The following TRIM56 variants were observed in gnomAD, a reference collection of about 807,000 sequenced individuals.
TRIM56 encodes tripartite motif containing 56, also known as E3 ubiquitin-protein ligase TRIM56.
TRIM56 carries 10 observed loss-of-function variants against 17.1 expected under a neutral mutation model. That is an observed-to-expected ratio of 0.58 (90% confidence interval 0.36 to 0.99). The LOEUF is 0.99. Ranked by LOEUF, TRIM56 falls within the 50% of genes least tolerant of loss-of-function variation. TRIM56 has a pLI of 0.01. For synonymous variants in TRIM56, 503 were observed against 473.5 expected, an observed-to-expected ratio of 1.06 and a Z score of -0.81; for missense variants, 923 against 1,052.3, an observed-to-expected ratio of 0.88 and a Z score of 1.70.
Position 101,095,659 on chromosome 7 carries a change from T to A in TRIM56, c.*6079T>A, listed in dbSNP as rs1404660347. The A allele has an allele frequency of 1.3e-5, 2 of 152,140 alleles. No homozygotes were observed. The highest frequency in any genetic ancestry group is 3.9e-4 in the East Asian group (2 of 5,188). 9.4% of individuals were successfully genotyped at this position (152,140 alleles called of 1,614,324 possible). On this transcript the variant is annotated 3_prime_UTR_variant, in exon 3 of 3. Coordinates refer to ENST00000306085, the MANE Select transcript of TRIM56 (RefSeq NM_030961.3). ...GCGCCCTAGAGATGGGGATGCCAAG[T>A]GGCTTCTCGGGAAGCTGTAAGAATC...
chr7:101,085,510 AC>A lies in TRIM56; in HGVS notation c.-225del, dbSNP rs1795427265. 6.6e-6 allele frequency: 1 copy of A among 152,396 alleles called. No individual in the cohort carries two copies. Among genetic ancestry groups the A allele is most frequent in the South Asian group, 2.1e-4 (1 of 4,812 alleles). 9.4% of individuals were successfully genotyped at this position (152,396 alleles called of 1,614,324 possible). A position where few individuals can be genotyped will look rare whatever the true frequency, so the allele number is the denominator to read the frequency against. ...TTGTTTCTTTTCCAGGCACCCAGCA[AC>A]GGCGGCCTCCAGGCCTCAGGCCCCC... On this transcript the variant is annotated 5_prime_UTR_variant, in exon 1 of 3. Transcript: ENST00000306085.
In TRIM56 at chr7:101,093,830, A is replaced by C. The variant is rs937222736; in HGVS notation, c.*4250A>C. The stretch of plus-strand genomic sequence containing the variant: ...GGGTGTCACAGTGAGACTCTGTCTC[A>C]AAAAAATAATAAATAAATAATTAAA... On this transcript the variant is annotated 3_prime_UTR_variant, in exon 3 of 3. Transcript: ENST00000306085. 1 of 152,158 alleles carries C rather than the reference A, an allele frequency of 6.6e-6. No homozygotes were observed. Among genetic ancestry groups the C allele is most frequent in the Non-Finnish European group, 1.5e-5 (1 of 68,026 alleles). The allele number at this position is 152,158 out of a possible 1,614,324, so 9.4% of individuals were successfully genotyped here. A position where few individuals can be genotyped will look rare whatever the true frequency, so the allele number is the denominator to read the frequency against.
rs148618456 is a variant in TRIM56 at position 101,091,841 on chromosome 7, G to A, written c.*2261G>A. 1,072 of 395,428 alleles carry A rather than the reference G, an allele frequency of 2.7e-3. 22 individuals carry two copies. The East Asian group carries it at 0.029, about 11-fold the overall frequency. The allele number at this position is 395,428 out of a possible 1,614,324, so 24.5% of individuals were successfully genotyped here. A position where few individuals can be genotyped will look rare whatever the true frequency, so the allele number is the denominator to read the frequency against. ...CACGGTCTCCCTCTGATGCCGAGCC[G>A]AAGCTGGACTGTACTGCTGCCATCT... On this transcript the variant is annotated 3_prime_UTR_variant, in exon 3 of 3. Coordinates refer to ENST00000306085, the MANE Select transcript of TRIM56 (RefSeq NM_030961.3).
chr7:101,094,907 C>T lies in TRIM56; in HGVS notation c.*5327C>T, dbSNP rs1197224089. 1 of 151,910 alleles carries T rather than the reference C, an allele frequency of 6.6e-6. No homozygotes were observed. The highest frequency in any genetic ancestry group is 2.4e-5 in the African/African-American group (1 of 41,338). The allele number at this position is 151,910 out of a possible 1,614,324, so 9.4% of individuals were successfully genotyped here. ...ACTGTGATACCTCATAGTAGGTGCT[C>T]AGTGAATGTCTGTGAAGTGAATTAC... is the stretch of plus-strand genomic sequence containing the variant. On this transcript the variant is annotated 3_prime_UTR_variant, in exon 3 of 3. Transcript: ENST00000306085.
rs373704199 is a variant in TRIM56 at position 101,089,418 on chromosome 7, G to T, written c.2106G>T (p.Val702=). 1.9e-6 allele frequency: 3 copies of T among 1,614,092 alleles called. No homozygotes were observed. Among genetic ancestry groups the T allele is most frequent in the Non-Finnish European group, 2.5e-6 (3 of 1,180,018 alleles). ...IFLTLREVNK[V]VILDPKGSLL... ...TGACCCTTCGAGAAGTCAACAAGGT[G>T]GTGATCCTGGACCCGAAGGGGTCCC... is the stretch of plus-strand genomic sequence containing the variant. The change falls in exon 3 of 3, where the codon GTG becomes GTT. Residue 702 remains valine, a synonymous_variant. Transcript: ENST00000306085.
rs1204459170 is a variant in TRIM56 at position 101,088,494 on chromosome 7, C to A, written c.1182C>A (p.Ser394Arg). The change falls in exon 3 of 3, where the codon AGC becomes AGA. Residue 394 changes from serine to arginine, a missense_variant. This residue lies in a region of TRIM56 where 643 missense variants were observed against 665.6 expected (regional missense o/e 0.97). Coordinates refer to ENST00000306085, the MANE Select transcript of TRIM56 (RefSeq NM_030961.3). ...AGTQGGEESQ[S>R]RREDEPKTER... ...CCCAGGGAGGTGAGGAGAGCCAGAG[C>A]CGGAGGGAGGATGAGCCGAAGACTG... 3 of 1,613,676 alleles carry A rather than the reference C, an allele frequency of 1.9e-6. No homozygotes were observed. The highest frequency in any genetic ancestry group is 2.5e-6 in the Non-Finnish European group (3 of 1,179,892).
Position 101,090,933 on chromosome 7 carries a change from G to A in TRIM56, c.*1353G>A, listed in dbSNP as rs1426590243. On this transcript the variant is annotated 3_prime_UTR_variant, in exon 3 of 3. Transcript: ENST00000306085. ...GTTGGCCTTCACTCGGCTGAACTAG[G>A]GGGTGAAGGAAGGTTGTCCTCTGTG... The A allele has an allele frequency of 5.3e-5, 8 of 152,196 alleles. No homozygotes were observed. Among genetic ancestry groups the A allele is most frequent in the Admixed American group, 4.6e-4 (7 of 15,270 alleles). 9.4% of individuals were successfully genotyped at this position (152,196 alleles called of 1,614,324 possible). A position where few individuals can be genotyped will look rare whatever the true frequency, so the allele number is the denominator to read the frequency against.
In TRIM56 at chr7:101,095,672, A is replaced by C. The variant is rs1795644031; in HGVS notation, c.*6092A>C. The C allele has an allele frequency of 6.6e-6, 1 of 152,224 alleles. No individual in the cohort carries two copies. The highest frequency in any genetic ancestry group is 1.5e-5 in the Non-Finnish European group (1 of 68,054). The allele number at this position is 152,224 out of a possible 1,614,324, so 9.4% of individuals were successfully genotyped here. ...GGGGATGCCAAGTGGCTTCTCGGGA[A>C]GCTGTAAGAATCCACAGGGCATTGT... On this transcript the variant is annotated 3_prime_UTR_variant, in exon 3 of 3. Coordinates refer to ENST00000306085, the MANE Select transcript of TRIM56 (RefSeq NM_030961.3).
At position 101,087,618 on chromosome 7, in the gene TRIM56, C is replaced by A; in HGVS notation, c.306C>A (p.Ala102=). Residue 102 remains alanine (A), a synonymous_variant, in exon 3 of 3, where the codon GCC becomes GCA. Coordinates refer to ENST00000306085, the MANE Select transcript of TRIM56 (RefSeq NM_030961.3). ...TGCGTGCCGGGAAGCCAGCCTGTGC[C>A]CTGTGTCCCCTGGTGGGTGGCACCA... ...GDLRAGKPAC[A]LCPLVGGTST... The A allele has an allele frequency of 1.2e-6, 2 of 1,611,990 alleles. No individual in the cohort carries two copies. The highest frequency in any genetic ancestry group is 1.7e-6 in the Non-Finnish European group (2 of 1,179,360).
rs1184407723 is a variant in TRIM56 at position 101,090,896 on chromosome 7, C to T, written c.*1316C>T. On this transcript the variant is annotated 3_prime_UTR_variant, in exon 3 of 3. Transcript: ENST00000306085. Reference sequence around the variant, plus strand: ...TTCTCTTCATTTTCCAGCAAAATTCCTTTTGAGATATGTTGGCCTTCACTC... The same window carrying T: ...TTCTCTTCATTTTCCAGCAAAATTCTTTTTGAGATATGTTGGCCTTCACTC... The T allele has an allele frequency of 6.6e-6, 1 of 152,028 alleles. No homozygotes were observed. Among genetic ancestry groups the T allele is most frequent in the Non-Finnish European group, 1.5e-5 (1 of 68,040 alleles). 9.4% of individuals were successfully genotyped at this position (152,028 alleles called of 1,614,324 possible).
rs1295515034 is a variant in TRIM56 at position 101,089,750 on chromosome 7, A to G, written c.*170A>G. ...CGTCTTCTAGTGTGTGAGAATAGGGACCAAGGTGGTGGCGTGACCTTAACT... is the reference window on the plus strand; with the variant it reads ...CGTCTTCTAGTGTGTGAGAATAGGGGCCAAGGTGGTGGCGTGACCTTAACT... On this transcript the variant is annotated 3_prime_UTR_variant, in exon 3 of 3. Coordinates refer to ENST00000306085, the MANE Select transcript of TRIM56 (RefSeq NM_030961.3). 1 of 629,870 alleles carries G rather than the reference A, an allele frequency of 1.6e-6. No individual in the cohort carries two copies. Among genetic ancestry groups the G allele is most frequent in the Non-Finnish European group, 2.8e-6 (1 of 363,160 alleles). 39.0% of individuals were successfully genotyped at this position (629,870 alleles called of 1,614,324 possible).
rs181520999 is a variant in TRIM56 at position 101,094,238 on chromosome 7, G to T, written c.*4658G>T. On this transcript the variant is annotated 3_prime_UTR_variant, in exon 3 of 3. Transcript: ENST00000306085. ...TACAGTCATAATCCTCAAAAACGGA[G>T]AATCAGGAATTATGATCAAATAGTG... The T allele has an allele frequency of 2.3e-4, 35 of 152,308 alleles. No homozygotes were observed. The East Asian group carries it at 6.2e-3, about 27-fold the overall frequency. 9.4% of individuals were successfully genotyped at this position (152,308 alleles called of 1,614,324 possible). A position where few individuals can be genotyped will look rare whatever the true frequency, so the allele number is the denominator to read the frequency against.
At position 101,092,670 on chromosome 7, in the gene TRIM56, T is replaced by A. The variant is rs1466031716; in HGVS notation, c.*3090T>A. 2.2e-5 allele frequency: 3 copies of A among 134,712 alleles called. No individual in the cohort carries two copies. Among genetic ancestry groups the A allele is most frequent in the African/African-American group, 9.6e-5 (3 of 31,296 alleles). The allele number at this position is 134,712 out of a possible 1,614,324, so 8.3% of individuals were successfully genotyped here. On this transcript the variant is annotated 3_prime_UTR_variant, in exon 3 of 3. Transcript: ENST00000306085. ...CCAGCCGCGCCTTCCGGGAGGGAGGTGGGGGATCAGTCCCCGCCCGGCCAG... is the reference window on the plus strand; with the variant it reads ...CCAGCCGCGCCTTCCGGGAGGGAGGAGGGGGATCAGTCCCCGCCCGGCCAG...
chr7:101,091,880 C>T lies in TRIM56; in HGVS notation c.*2300C>T, dbSNP rs1476624045. ...CTGCTGCCATCTCGGCTCACTGCAACCTCCCTGCCTGATTCTCCTGCCTCA... is the reference window on the plus strand; with the variant it reads ...CTGCTGCCATCTCGGCTCACTGCAATCTCCCTGCCTGATTCTCCTGCCTCA... On this transcript the variant is annotated 3_prime_UTR_variant, in exon 3 of 3. Coordinates refer to ENST00000306085, the MANE Select transcript of TRIM56 (RefSeq NM_030961.3). 3.7e-5 allele frequency: 12 copies of T among 328,284 alleles called. No homozygotes were observed. The highest frequency in any genetic ancestry group is 2.5e-4 in the African/African-American group (11 of 43,990). 20.3% of individuals were successfully genotyped at this position (328,284 alleles called of 1,614,324 possible). A position where few individuals can be genotyped will look rare whatever the true frequency, so the allele number is the denominator to read the frequency against.
Position 101,093,340 on chromosome 7 carries a change from TAA to T in TRIM56, c.*3778_*3779del, listed in dbSNP as rs576426651. ...CACCCAAGAATGATCAATAAAAAAT[TAA>T]AAAAAAAAAAAAAAAAAGAAAACCA... On this transcript the variant is annotated 3_prime_UTR_variant, in exon 3 of 3. Transcript: ENST00000306085. 93 of 90,848 alleles carry T rather than the reference TAA, an allele frequency of 1.0e-3. No individual in the cohort carries two copies. The highest frequency in any genetic ancestry group is 4.8e-3 in the East Asian group (19 of 3,934). The allele number at this position is 90,848 out of a possible 1,614,324, so 5.6% of individuals were successfully genotyped here. A position where few individuals can be genotyped will look rare whatever the true frequency, so the allele number is the denominator to read the frequency against.
chr7:101,087,538 A>G lies in TRIM56; in HGVS notation c.226A>G (p.Asn76Asp). Residue 76 changes from asparagine (N) to aspartate (D), a missense_variant, in exon 3 of 3, where the codon AAC becomes GAC. Asn to Asp is a conservative substitution (Grantham distance 23, BLOSUM62 1). Transcript: ENST00000306085. The stretch of plus-strand genomic sequence containing the variant: ...CGAGGGTGTGGCCTCCTTCAAGACC[A>G]ACTTCTTCGTCAATGGGCTGCTGGA... ...PPEGVASFKT[N>D]FFVNGLLDLV... 6.2e-7 allele frequency: 1 copy of G among 1,613,142 alleles called. No homozygotes were observed. The highest frequency in any genetic ancestry group is 8.5e-7 in the Non-Finnish European group (1 of 1,179,578).
chr7:101,089,454 C>T lies in TRIM56; in HGVS notation c.2142C>T (p.Asp714=). ...ACCCGAAGGGGTCCCTCCTTGGAGA[C>T]TTCCTGACAGCCTACCACGGCCTGG... The part of the protein sequence containing the change: ...ILDPKGSLLG[D]FLTAYHGLEK... The change falls in exon 3 of 3, where the codon GAC becomes GAT. Residue 714 remains aspartate, a synonymous_variant. Transcript: ENST00000306085. 6.2e-7 allele frequency: 1 copy of T among 1,614,250 alleles called. No homozygotes were observed. The highest frequency in any genetic ancestry group is 8.5e-7 in the Non-Finnish European group (1 of 1,180,052).
rs1246797205 is a variant in TRIM56 at position 101,088,684 on chromosome 7, A to G, written c.1372A>G (p.Asn458Asp). Residue 458 changes from asparagine to aspartate, a missense_variant, in exon 3 of 3, where the codon AAC (asparagine) becomes GAC (aspartate). By Grantham distance (23) the Asn-to-Asp change is conservative (BLOSUM62 1). Coordinates refer to ENST00000306085, the MANE Select transcript of TRIM56 (RefSeq NM_030961.3). ...CCAGCCCCACAGGGGTGGCAGACCCAACAAGAAGAAAAAGTTCAAAGGCAG... is the reference window on the plus strand; with the variant it reads ...CCAGCCCCACAGGGGTGGCAGACCCGACAAGAAGAAAAAGTTCAAAGGCAG... ...GPQPHRGGRP[N>D]KKKKFKGRLK... 5 of 1,613,902 alleles carry G rather than the reference A, an allele frequency of 3.1e-6. No homozygotes were observed. The highest frequency in any genetic ancestry group is 4.2e-6 in the Non-Finnish European group (5 of 1,179,944).
chr7:101,097,669 A>C lies in TRIM56; in HGVS notation c.*8089A>C, dbSNP rs1270857587. ...CATTAGGAAGGAGGTTTGGGAGGGC[A>C]GCCTGACTTGTCTCCAGAGAAAGTT... is the stretch of plus-strand genomic sequence containing the variant. On this transcript the variant is annotated 3_prime_UTR_variant, in exon 3 of 3. Coordinates refer to ENST00000306085, the MANE Select transcript of TRIM56 (RefSeq NM_030961.3). 7.5e-5 allele frequency: 5 copies of C among 66,788 alleles called. No individual in the cohort carries two copies. The South Asian group carries it at 2.0e-3, about 27-fold the overall frequency. The allele number at this position is 66,788 out of a possible 1,614,324, so 4.1% of individuals were successfully genotyped here. A position where few individuals can be genotyped will look rare whatever the true frequency, so the allele number is the denominator to read the frequency against.
Sources: allele counts gnomAD v4.1 joint callset, GRCh38; gene constraint gnomAD v4.1.1; regional missense constraint gnomAD v4.1.1; transcripts MANE v1.5; gene names NCBI Gene and HGNC (gene_info 2026-07-23, HGNC 2026-07-21).